The following STK39 variants were observed in gnomAD, a reference collection of about 807,000 sequenced individuals.
STK39 encodes STE20/SPS1-related proline-alanine-rich protein kinase.
Under a neutral mutation model 77.8 loss-of-function variants are expected in STK39, and 20 were observed. The ratio of observed to expected loss-of-function variants is 0.26; its 90% CI spans 0.18 to 0.37. The LOEUF (loss-of-function observed/expected upper bound fraction) is 0.37. STK39 is among the 10% of genes least tolerant of loss of function. The pLI is 1.00. For synonymous variants in STK39, 246 were observed against 234.1 expected (o/e 1.05, Z -0.47); for missense variants, 479 against 656.5 (o/e 0.73, Z 2.95).
intron 14 of STK39, among the ~76,000 whole-genome samples, chr2:168,028,688 C>A (rs1020310586): frequency 1.3e-5 from 2 of 152,110 alleles, no homozygotes; most frequent in Admixed American, 6.5e-5. Context: ...ACAGGACCAG[C>A]CTTCATTAAC....
intron 1 of STK39, among the ~76,000 whole-genome samples, chr2:168,244,950 A>T (rs2105286796): frequency 6.6e-6 from 1 of 152,344 alleles, no homozygotes; most frequent in Middle Eastern, 3.4e-3. Context: ...CCTGCCATTA[A>T]TCCCACTCAA....
chr2:168,189,981 G>C (rs1689300276), intron 1 of STK39, among the ~76,000 whole-genome samples: 1 of 152,204 alleles, frequency 6.6e-6, no homozygotes. Context: ...GCCCGCCCGA[G>C]CTATGAATGA....
chr2:168,012,641 T>TAC lies in STK39; in HGVS notation c.1489_1490dup (p.Val498Ter). The TAC allele has an allele frequency of 6.2e-7, 1 of 1,613,590 alleles. No individual in the cohort carries two copies. Among genetic ancestry groups the TAC allele is most frequent in the Non-Finnish European group, 8.5e-7 (1 of 1,179,742 alleles). ...TACTAAAAAACAATTTACCTATAAC[T>TAC]ACATCGTGACCATCCACCAAGCCAG... On this transcript the variant is annotated frameshift_variant, in exon 16 of 18. Transcript: ENST00000355999. LOFTEE classifies it high-confidence loss of function.
At chr2:167,963,664 A>G (rs1277847908) in intron 17 of STK39, among the ~76,000 whole-genome samples, 1 of 152,208 alleles carries the variant, frequency 6.6e-6, no homozygotes, top group Non-Finnish European at 1.5e-5. Flanking sequence ...TCCTTCAGAT[A>G]TATCTTTTCT....
intron 14 of STK39, among the ~76,000 whole-genome samples, chr2:168,017,671 C>T (rs1285252623): frequency 6.6e-6 from 1 of 151,882 alleles, no homozygotes; most frequent in African/African-American, 2.4e-5. Flanking sequence ...CCACACCTGG[C>T]CAATATAATT....
intron 12 of STK39, among the ~76,000 whole-genome samples, chr2:168,073,600 C>G (rs1008675253): frequency 8.5e-5 from 13 of 152,106 alleles, no homozygotes; most frequent in African/African-American, 3.1e-4. Context: ...CTGCTCCTAA[C>G]AAAGGGGGAT....
chr2:168,165,685 C>CA (rs1688678045), intron 3 of STK39, among the ~76,000 whole-genome samples: 1 of 68,706 alleles, frequency 1.5e-5, no homozygotes, highest in South Asian at 3.7e-4. Flanking sequence ...CTAAGCTCCC[C>CA]AGGGCTCCCC....
chr2:168,040,209 T>C (rs1685067774), intron 14 of STK39, among the ~76,000 whole-genome samples: 3 of 152,150 alleles, frequency 2.0e-5, no homozygotes, highest in Admixed American at 2.0e-4. Context: ...TCAATATATA[T>C]ATATATTTGG....
rs113651114 is a variant in STK39, at chr2:168,134,757, C to A, written c.974+3331G>T. Among the ~76,000 whole-genome samples, 820 of 152,270 alleles carry A rather than the reference C, an allele frequency of 5.4e-3. 5 individuals carry two copies. Among genetic ancestry groups the A allele is most frequent in the Admixed American group, 0.019 (285 of 15,292 alleles). The stretch of plus-strand genomic sequence containing the variant: ...ATCGTTGACAAAAAAACACAGCCTA[C>A]TCTCAGCGGCCTGAGAGTTGATGCA... On this transcript the variant is annotated intron_variant, in intron 8 of 17. Transcript: ENST00000355999.
chr2:168,176,904 T>C (rs1032797093), intron 2 of STK39, among the ~76,000 whole-genome samples: 1 of 152,214 alleles, frequency 6.6e-6, no homozygotes. Context: ...TTTATTTAAG[T>C]GAATTGAAAA....
intron 17 of STK39, among the ~76,000 whole-genome samples, chr2:167,963,276 A>G (rs1434205449): frequency 6.6e-6 from 1 of 152,134 alleles, no homozygotes; most frequent in Non-Finnish European, 1.5e-5. Context: ...CTTATGGTTT[A>G]CCTAGAGATT....
At chr2:168,009,648 G>A (rs150986796) in intron 16 of STK39, among the ~76,000 whole-genome samples, 1 of 152,264 alleles carries the variant, frequency 6.6e-6, no homozygotes, top group Non-Finnish European at 1.5e-5. Context: ...ATGATCAAAT[G>A]AAATACATAA....
At chr2:168,078,181 T>C (rs1301822247) in intron 10 of STK39, among the ~76,000 whole-genome samples, 3 of 152,332 alleles carry the variant, frequency 2.0e-5, no homozygotes, top group East Asian at 1.9e-4. Context: ...CTTCAGGTCA[T>C]AGTTGGCAGT....
intron 16 of STK39, among the ~76,000 whole-genome samples, chr2:167,970,697 T>C (rs1305576299): frequency 1.3e-5 from 2 of 152,164 alleles, no homozygotes; most frequent in Non-Finnish European, 2.9e-5. Context: ...CCTAACTTAA[T>C]AAGCAGACAA....
In STK39 at chr2:168,247,215, C is replaced by CCGCCGCACT; in HGVS notation, c.208+4_208+12dup. The CCGCCGCACT allele has an allele frequency of 8.3e-7, 1 of 1,204,702 alleles. No homozygotes were observed. 74.6% of individuals were successfully genotyped at this position (1,204,702 alleles called of 1,614,324 possible). ...CCGGCCTGTGCCGGCCCCGCCGCGC[C>CCGCCGCACT]CGCCGCACTGACCGATAACCTCCTG... On this transcript the variant is annotated intron_variant, in intron 1 of 17. Transcript: ENST00000355999.
intron 16 of STK39, among the ~76,000 whole-genome samples, chr2:167,977,969 T>C (rs1683324248): frequency 6.6e-6 from 1 of 152,144 alleles, no homozygotes; most frequent in South Asian, 2.1e-4. Context: ...GAGTGCTGAC[T>C]GGTTGGTTTG....
intron 17 of STK39, 136 bp from the exon 18 acceptor site, chr2:167,955,706 G>C: frequency 1.3e-6 from 1 of 783,294 alleles, no homozygotes. Flanking sequence ...CCAGAAGAGA[G>C]ACGCCAGCCA....
intron 16 of STK39, among the ~76,000 whole-genome samples, chr2:168,009,089 A>C (rs1037664787): frequency 1.3e-5 from 2 of 152,212 alleles, no homozygotes; most frequent in African/African-American, 2.4e-5. Context: ...AGGTGGATTT[A>C]AGAGACAGTG....
At chr2:168,188,235 G>A (rs1169609564) in intron 1 of STK39, among the ~76,000 whole-genome samples, 1 of 152,190 alleles carries the variant, frequency 6.6e-6, no homozygotes, top group East Asian at 1.9e-4. Flanking sequence ...TCAGTCACAT[G>A]AGGACCAGAA....
Sources: gnomAD v4.1 joint callset for allele counts (sites outside exome capture counted in the v4.1 genomes callset) on GRCh38, gnomAD v4.1.1 for gene constraint, MANE v1.5 for transcripts, NCBI Gene and HGNC (gene_info 2026-07-23, HGNC 2026-07-21) for gene names.